The following TMEM236 variants were observed in gnomAD, a reference collection of about 807,000 sequenced individuals.
TMEM236 encodes the protein family with sequence similarity 23, member A.
Under a neutral mutation model 14.7 loss-of-function variants are expected in TMEM236, and 11 were observed. That is an observed-to-expected ratio of 0.75 (90% CI 0.47 to 1.24). The LOEUF is 1.24. Ranked by LOEUF, TMEM236 falls within the 50% of genes most tolerant of loss-of-function variation. The probability of loss-of-function intolerance (pLI) is 0.00; values close to 1 mark genes in which losing one functional copy is unlikely to be tolerated. For missense variants in TMEM236, 464 were observed against 427.3 expected, an observed-to-expected ratio of 1.09 and a Z score of -0.76; for synonymous variants, 182 against 168.6, an observed-to-expected ratio of 1.08 and a Z score of -0.62.
At position 17,752,427 on chromosome 10, in the gene TMEM236, C is replaced by T. The variant is rs1324121641; in HGVS notation, c.132C>T (p.Asn44=). ...AYQGTRARSD[N]THYWLIISCS... ...AAGGAACAAGGGCTAGATCTGACAA[C>T]ACACACTACTGGCTGATCATCTCCT... The change falls in exon 1 of 4, where the codon AAC becomes AAT. Residue 44 remains asparagine, a synonymous_variant. Coordinates refer to ENST00000377495, the MANE Select transcript of TMEM236 (RefSeq NM_001098844.3). The T allele has an allele frequency of 3.7e-6, 6 of 1,613,846 alleles. No individual in the cohort carries two copies. Among genetic ancestry groups the T allele is most frequent in the African/African-American group, 2.7e-5 (2 of 74,924 alleles).
chr10:17,777,543 A>T (rs990095018), intron 3 of TMEM236, among the ~76,000 whole-genome samples: 1 of 152,070 alleles, frequency 6.6e-6, no homozygotes, highest in African/African-American at 2.4e-5. Flanking sequence ...ATCCTCCTGC[A>T]TCAGCCTCCT....
At chr10:17,770,952 A>T (rs909581144) in intron 1 of TMEM236, among the ~76,000 whole-genome samples, 7 of 152,358 alleles carry the variant, frequency 4.6e-5, no homozygotes, top group African/African-American at 1.7e-4. Flanking sequence ...ATAACTTGAA[A>T]GTCATGCTGT....
At chr10:17,770,744 T>C (rs1554834735) in intron 1 of TMEM236, among the ~76,000 whole-genome samples, 2 of 152,242 alleles carry the variant, frequency 1.3e-5, no homozygotes, top group African/African-American at 4.8e-5. Context: ...TCAATAGCTA[T>C]TTGATTGGTT....
intron 1 of TMEM236, among the ~76,000 whole-genome samples, chr10:17,763,582 GGCTTATTAGAAAAACACTGT>G (rs1554834162): frequency 2.0e-5 from 3 of 152,122 alleles, no homozygotes; most frequent in African/African-American, 7.2e-5. Flanking sequence ...TATGGACTCA[GGCTTATTAGAAAAACACTGT>G]GCTTTGGAGT....
In TMEM236 at chr10:17,798,941, C is replaced by T. The variant is rs1275840178; in HGVS notation, c.*2437C>T. On this transcript the variant is annotated 3_prime_UTR_variant, in exon 4 of 4. Coordinates refer to ENST00000377495, the MANE Select transcript of TMEM236 (RefSeq NM_001098844.3). ...TGTTTTATTCTTTTCTGTGGCCCTG[C>T]TCACCCTCTGGGAATAATCATTTCA... 1 of 330,606 alleles carries T rather than the reference C, an allele frequency of 3.0e-6. No homozygotes were observed. Among genetic ancestry groups the T allele is most frequent in the Non-Finnish European group, 5.9e-6 (1 of 170,246 alleles). The allele number at this position is 330,606 out of a possible 1,614,324, so 20.5% of individuals were successfully genotyped here.
intron 1 of TMEM236, among the ~76,000 whole-genome samples, chr10:17,762,151 G>C (rs1837375644): frequency 6.6e-6 from 1 of 152,134 alleles, no homozygotes; most frequent in African/African-American, 2.4e-5. Flanking sequence ...ACTTCTCTGA[G>C]CTTACTGTAT....
chr10:17,794,820 A>T (rs1837984351), intron 3 of TMEM236, among the ~76,000 whole-genome samples: 1 of 152,136 alleles, frequency 6.6e-6, no homozygotes, highest in Non-Finnish European at 1.5e-5. Context: ...TGAAGATCAC[A>T]TGAGGTCAGG....
Position 17,752,492 on chromosome 10 carries a change from G to A in TMEM236, c.197G>A (p.Trp66Ter). ...AYVALVTLLIWVPVKVILHKK... is the reference protein window; with the variant it reads ...AYVALVTLLI ...GTTGCGTTAGTGACTCTACTGATCT[G>A]GGTTCCTGTAAAAGTTATCCTGCAC... is the stretch of plus-strand genomic sequence containing the variant. Residue 66 changes from tryptophan to a stop codon, truncating the protein, a stop_gained, in exon 1 of 4, where the codon TGG (tryptophan) becomes TAG (stop). Coordinates refer to ENST00000377495, the MANE Select transcript of TMEM236 (RefSeq NM_001098844.3). LOFTEE classifies it high-confidence loss of function. 1.9e-6 allele frequency: 3 copies of A among 1,613,878 alleles called. No individual in the cohort carries two copies. Among genetic ancestry groups the A allele is most frequent in the South Asian group, 1.1e-5 (1 of 91,054 alleles).
chr10:17,772,342 T>C (rs942006665), intron 2 of TMEM236, among the ~76,000 whole-genome samples: 4 of 152,200 alleles, frequency 2.6e-5, no homozygotes, highest in Non-Finnish European at 5.9e-5. Flanking sequence ...AGAATAATTT[T>C]GGGAGGTTAC....
chr10:17,764,855 C>T (rs1452522278), intron 1 of TMEM236, among the ~76,000 whole-genome samples: 87 of 37,602 alleles, frequency 2.3e-3, no homozygotes, highest in African/African-American at 5.5e-3. Context: ...TTTTTTGAGA[C>T]GGGGTCTCAT....
At chr10:17,785,050 C>A (rs1837811884) in intron 3 of TMEM236, among the ~76,000 whole-genome samples, 1 of 152,122 alleles carries the variant, frequency 6.6e-6, no homozygotes, top group Non-Finnish European at 1.5e-5. Context: ...TGGGAGTTCG[C>A]AGAGCAGGAA....
chr10:17,762,618 T>TAC (rs1300902533), intron 1 of TMEM236, among the ~76,000 whole-genome samples: 35 of 63,894 alleles, frequency 5.5e-4, no homozygotes, highest in Admixed American at 1.9e-3. Context: ...TATATATATA[T>TAC]ACACACATAC....
At chr10:17,769,796 C>T (rs1296183105) in intron 1 of TMEM236, among the ~76,000 whole-genome samples, 4 of 152,042 alleles carry the variant, frequency 2.6e-5, no homozygotes, top group East Asian at 1.9e-4. Context: ...GGCAAGACAG[C>T]GCCAAAGAGA....
In TMEM236 at chr10:17,795,945, C is replaced by G; in HGVS notation, c.497C>G (p.Ser166Ter). ...GGTAGTGAAAATGGACACATCCATT[C>G]AACCTCTTTGCAACACATAAAAACT... ...QKSSENGHIHSTSLQHIKTVT... is the reference protein window; with the variant it reads ...QKSSENGHIH The change falls in exon 4 of 4, where the codon TCA becomes TGA. Residue 166 changes from serine to a stop codon, truncating the protein, a stop_gained. Transcript: ENST00000377495. LOFTEE classifies it low-confidence loss of function (END_TRUNC). The G allele has an allele frequency of 6.2e-7, 1 of 1,613,924 alleles. No homozygotes were observed. Among genetic ancestry groups the G allele is most frequent in the Non-Finnish European group, 8.5e-7 (1 of 1,179,842 alleles).
chr10:17,792,169 C>G (rs1357276297), intron 3 of TMEM236, among the ~76,000 whole-genome samples: 1 of 152,168 alleles, frequency 6.6e-6, no homozygotes, highest in Non-Finnish European at 1.5e-5. Flanking sequence ...CTCACTGCAA[C>G]CTCCATCTCC....
Position 17,796,448 on chromosome 10 carries a change from TTC to T in TMEM236, c.1001_1002del (p.Phe334Ter). On this transcript the variant is annotated frameshift_variant, in exon 4 of 4. Transcript: ENST00000377495. LOFTEE classifies it high-confidence loss of function. ...NILVTLSYIY[F>X]NYLTRIRIFS... Reference sequence around the variant, plus strand: ...CCTCGTGACTCTCTCTTACATTTACTTCAATTACCTAACCAGAATCAGGATTT... The same window carrying T: ...CCTCGTGACTCTCTCTTACATTTACTAATTACCTAACCAGAATCAGGATTT... 4 of 1,613,820 alleles carry T rather than the reference TTC, an allele frequency of 2.5e-6. No individual in the cohort carries two copies. The highest frequency in any genetic ancestry group is 1.7e-4 in the Middle Eastern group (1 of 6,056).
chr10:17,754,874 CTCTTT>C (rs1554833610), intron 1 of TMEM236, among the ~76,000 whole-genome samples: 1 of 152,020 alleles, frequency 6.6e-6, no homozygotes, highest in Non-Finnish European at 1.5e-5. Flanking sequence ...TTGGACTTCT[CTCTTT>C]TCTTTAATAA....
At position 17,788,817 on chromosome 10, in the gene TMEM236, G is replaced by A. The variant is rs1463705710; in HGVS notation, c.473-7104G>A. On this transcript the variant is annotated intron_variant, in intron 3 of 3. Transcript: ENST00000377495. ...CATGCTTTCTGTAAAGAAAGTTGCC[G>A]CAACTATTTCACAGCTGGGAATGCA... 2.0e-4 allele frequency among the ~76,000 whole-genome samples: 31 copies of A among 152,258 alleles called. No homozygotes were observed. In the East Asian group the frequency reaches 2.1e-3, roughly 10 times the overall value.
rs967458726 is a variant in TMEM236 at position 17,783,018 on chromosome 10, G to A, written c.472+6848G>A. On this transcript the variant is annotated intron_variant, in intron 3 of 3. Coordinates refer to ENST00000377495, the MANE Select transcript of TMEM236 (RefSeq NM_001098844.3). Reference sequence around the variant, plus strand: ...TCATGGTTAAAGCACGTGTCCATGTGTAGTGCAGGTGGGCTGTGTTTAAAG... The same window carrying A: ...TCATGGTTAAAGCACGTGTCCATGTATAGTGCAGGTGGGCTGTGTTTAAAG... Among the ~76,000 whole-genome samples the A allele has an allele frequency of 3.0e-4, 46 of 152,318 alleles. No individual in the cohort carries two copies. The South Asian group carries it at 4.6e-3, about 15-fold the overall frequency.
Sources: allele counts gnomAD v4.1 joint callset (sites outside exome capture counted in the v4.1 genomes callset), GRCh38; gene constraint gnomAD v4.1.1; transcripts MANE v1.5; gene names NCBI Gene and HGNC (gene_info 2026-07-23, HGNC 2026-07-21).